The following USH2A variants were observed in gnomAD, a reference collection of about 807,000 sequenced individuals.
USH2A encodes the protein usherin.
USH2A carries 443 observed loss-of-function variants against 538.9 expected under a neutral mutation model. The ratio of observed to expected loss-of-function variants is 0.82; its 90% confidence interval spans 0.76 to 0.89. The LOEUF (loss-of-function observed/expected upper bound fraction) is 0.89. Ranked by LOEUF, USH2A falls within the 40% of genes least tolerant of loss-of-function variation. The pLI is 0.00. For synonymous variants in USH2A, 2,413 were observed against 2,273.5 expected, an observed-to-expected ratio of 1.06 and a Z score of -1.75; for missense variants, 6,633 against 6,324.8, an observed-to-expected ratio of 1.05 and a Z score of -1.65.
In USH2A at chr1:215,758,749, G is replaced by T. The variant is rs768062696; in HGVS notation, c.11235C>A (p.Tyr3745Ter). 1.2e-6 allele frequency: 2 copies of T among 1,613,682 alleles called. No homozygotes were observed. Among genetic ancestry groups the T allele is most frequent in the Non-Finnish European group, 8.5e-7 (1 of 1,179,828 alleles). The stretch of plus-strand genomic sequence containing the variant: ...CAGTTTTGACTTCTAACTTGTAAGT[G>T]TATCTATATTTAAAAAGAAAGAAGA... ...TDKNLEPNSR[Y>*]TYKLEVKTGG... The change falls in exon 58 of 72, where the codon TAC (tyrosine) becomes TAA (stop). Residue 3745 changes from tyrosine (Y) to a stop codon, truncating the protein, a stop_gained. Coordinates refer to ENST00000307340, the MANE Select transcript of USH2A (RefSeq NM_206933.4). LOFTEE classifies it high-confidence loss of function.
intron 21 of USH2A, among the ~76,000 whole-genome samples, chr1:216,119,522 C>A (rs1389911380): frequency 6.6e-6 from 1 of 151,790 alleles, no homozygotes; most frequent in Non-Finnish European, 1.5e-5. Flanking sequence ...GCAATAGGAA[C>A]TCTATGTTGT....
At chr1:215,740,312 A>G (rs1660266544) in intron 60 of USH2A, among the ~76,000 whole-genome samples, 1 of 152,178 alleles carries the variant, frequency 6.6e-6, no homozygotes, top group South Asian at 2.1e-4. Context: ...AGAGAGCAAA[A>G]TATCCTTCAA....
intron 35 of USH2A, among the ~76,000 whole-genome samples, chr1:215,972,182 C>T (rs552725521): frequency 6.6e-6 from 1 of 152,240 alleles, no homozygotes; most frequent in African/African-American, 2.4e-5. Flanking sequence ...GTGGGAGGCA[C>T]TGTGAGGAGG....
In USH2A at chr1:215,728,075, G is replaced by A. The variant is rs1387370996; in HGVS notation, c.12021C>T (p.Asp4007=). The A allele has an allele frequency of 6.8e-6, 11 of 1,614,018 alleles. No individual in the cohort carries two copies. Among genetic ancestry groups the A allele is most frequent in the Admixed American group, 6.7e-5 (4 of 60,008 alleles). ...HYRVVYQERP[D]DPTFNSPTVH... is the part of the protein sequence containing the mutation. Reference sequence around the variant, plus strand: ...CGGTAGGGCTGTTAAATGTAGGATCGTCGGGTCTCTCCTGGTAGACCACAC... The same window carrying A: ...CGGTAGGGCTGTTAAATGTAGGATCATCGGGTCTCTCCTGGTAGACCACAC... Residue 4007 remains aspartate, a synonymous_variant, in exon 61 of 72, where the codon GAC becomes GAT. Transcript: ENST00000307340.
At chr1:216,331,106 A>C (rs1558041300) in intron 4 of USH2A, among the ~76,000 whole-genome samples, 1 of 152,120 alleles carries the variant, frequency 6.6e-6, no homozygotes. Flanking sequence ...AAAGAGTTAC[A>C]GCAAGTTTTC....
At chr1:216,128,898 T>C (rs2033311678) in intron 21 of USH2A, among the ~76,000 whole-genome samples, 1 of 152,070 alleles carries the variant, frequency 6.6e-6, no homozygotes, top group African/African-American at 2.4e-5. Flanking sequence ...AACACTTCTT[T>C]ATCCCCCTCC....
chr1:215,858,731 A>G (rs150667236), intron 44 of USH2A, among the ~76,000 whole-genome samples: 2 of 152,114 alleles, frequency 1.3e-5, no homozygotes, highest in African/African-American at 2.4e-5. Context: ...GCAACCTCCA[A>G]TCCTTGGTCA....
rs2102665707 is a variant in USH2A at position 215,674,733 on chromosome 1, T to C, written c.13178A>G (p.Tyr4393Cys). The change falls in exon 63 of 72, where the codon TAT (tyrosine) becomes TGT (cysteine). Residue 4393 changes from tyrosine to cysteine, a missense_variant. Physicochemically the swap from Tyr to Cys is radical, Grantham distance 194. Coordinates refer to ENST00000307340, the MANE Select transcript of USH2A (RefSeq NM_206933.4). Reference protein sequence around the residue: ...NGKITKYLVRYDNKESLAGQG... With the variant: ...NGKITKYLVRCDNKESLAGQG... The stretch of plus-strand genomic sequence containing the variant: ...GCCAGCAAGGGACTCTTTATTATCA[T>C]ATCTAACTAAATATTTAGTAATCTT... 6.2e-7 allele frequency: 1 copy of C among 1,614,138 alleles called. No homozygotes were observed. The highest frequency in any genetic ancestry group is 8.5e-7 in the Non-Finnish European group (1 of 1,180,024).
chr1:215,759,687 G>A lies in USH2A; in HGVS notation c.11204C>T (p.Thr3735Ile), dbSNP rs141107332. Residue 3735 changes from threonine to isoleucine, a missense_variant, in exon 57 of 72, where the codon ACT (threonine) becomes ATT (isoleucine). Thr to Ile is a moderately conservative substitution (Grantham distance 89). Transcript: ENST00000307340. ...FLGGSEEQNF[T>I]DKNLEPNSRY... The stretch of plus-strand genomic sequence containing the variant: ...GCTATTGGGCTCCAGGTTTTTATCA[G>A]TGAAATTCTGCTCCTCACTGCCACC... 1.9e-6 allele frequency: 3 copies of A among 1,613,828 alleles called. No homozygotes were observed. The highest frequency in any genetic ancestry group is 2.7e-5 in the African/African-American group (2 of 74,890).
At position 215,954,422 on chromosome 1, in the gene USH2A, G is replaced by A. The variant is rs534940014; in HGVS notation, c.7120+10895C>T. ...AGTTCATGTACTTTGTAGGGACATA[G>A]ATGAAGCTGGAAACCATCATTCTCA... On this transcript the variant is annotated intron_variant, in intron 37 of 71. Transcript: ENST00000307340. 2.0e-5 allele frequency among the ~76,000 whole-genome samples: 3 copies of A among 152,112 alleles called. 1 individual carries two copies. The South Asian group carries it at 6.2e-4, about 32-fold the overall frequency.
chr1:216,418,596 G>C lies in USH2A; in HGVS notation c.569C>G (p.Thr190Arg). The C allele has an allele frequency of 6.2e-7, 1 of 1,613,306 alleles. No homozygotes were observed. Among genetic ancestry groups the C allele is most frequent in the Non-Finnish European group, 8.5e-7 (1 of 1,179,562 alleles). The change falls in exon 3 of 72, where the codon ACA (threonine) becomes AGA (arginine). Residue 190 changes from threonine to arginine, a missense_variant. Physicochemically the swap from Thr to Arg is moderately conservative, Grantham distance 71 (BLOSUM62 -1). Coordinates refer to ENST00000307340, the MANE Select transcript of USH2A (RefSeq NM_206933.4). ...TATTGGAGGTTGCAAACCATTTACT[G>C]TGCGATAATAAAACATGGTCTCTTT... is the stretch of plus-strand genomic sequence containing the variant. ...SEKETMFYYRTVNGLQPPIKV... is the reference protein window; with the variant it reads ...SEKETMFYYRRVNGLQPPIKV...
In USH2A at chr1:215,932,598, A is replaced by C. The variant is rs146529153; in HGVS notation, c.7300+2018T>G. The stretch of plus-strand genomic sequence containing the variant: ...TCAACAACAATCTAATGAAAAAAGA[A>C]AGTATGTCCTAATGGCCATAATAAA... On this transcript the variant is annotated intron_variant, in intron 38 of 71. Transcript: ENST00000307340. 3.9e-3 allele frequency among the ~76,000 whole-genome samples: 596 copies of C among 152,188 alleles called. 1 individual carries two copies. Among genetic ancestry groups the C allele is most frequent in the Non-Finnish European group, 6.7e-3 (452 of 67,966 alleles).
chr1:215,672,029 C>T (rs1410113585), intron 63 of USH2A, among the ~76,000 whole-genome samples: 1 of 152,172 alleles, frequency 6.6e-6, no homozygotes, highest in Admixed American at 6.5e-5. Context: ...ACCTTATCAC[C>T]ATCCAGTTAA....
rs368798834 is a variant in USH2A at position 216,422,073 on chromosome 1, G to C, written c.264C>G (p.Cys88Trp). The C allele has an allele frequency of 1.5e-5, 24 of 1,613,638 alleles. No individual in the cohort carries two copies. The highest frequency in any genetic ancestry group is 1.9e-5 in the Non-Finnish European group (23 of 1,179,880). Residue 88 changes from cysteine to tryptophan, a missense_variant, in exon 2 of 72, where the codon TGC becomes TGG. Coordinates refer to ENST00000307340, the MANE Select transcript of USH2A (RefSeq NM_206933.4). ...FCTQRFCIQDCPYRSSHPTYT... is the reference protein window; with the variant it reads ...FCTQRFCIQDWPYRSSHPTYT... ...AGGTAGGGTGTGAAGATCTGTATGG[G>C]CAATCCTGAATACAAAACCGCTGGG...
At chr1:216,341,293 G>A (rs532367319) in intron 4 of USH2A, among the ~76,000 whole-genome samples, 2 of 152,154 alleles carry the variant, frequency 1.3e-5, no homozygotes, top group East Asian at 3.9e-4. Context: ...AACAAGGGAC[G>A]TGAAGGAGCT....
At chr1:216,141,996 G>T (rs996816051) in intron 21 of USH2A, among the ~76,000 whole-genome samples, 1 of 150,098 alleles carries the variant, frequency 6.7e-6, no homozygotes, top group Admixed American at 6.6e-5. Context: ...AACTGGAAAG[G>T]GATTATCAAA....
intron 37 of USH2A, among the ~76,000 whole-genome samples, chr1:215,946,521 C>A (rs77281958): frequency 2.1e-3 from 313 of 152,276 alleles, no homozygotes; most frequent in African/African-American, 6.8e-3. Flanking sequence ...ACCAGCCGAG[C>A]AGCTGATTCA....
chr1:216,419,811 G>A lies in USH2A; in HGVS notation c.486-1132C>T, dbSNP rs189185605. Among the ~76,000 whole-genome samples the A allele has an allele frequency of 3.3e-3, 500 of 152,170 alleles. 4 individuals are homozygous for A. The highest frequency in any genetic ancestry group is 0.012 in the African/African-American group (486 of 41,536). ...AAGATGGTTTAAAGCTTTCCTTAAA[G>A]GGCATGTTTTTCACACATAATTTCT... On this transcript the variant is annotated intron_variant, in intron 2 of 71. Coordinates refer to ENST00000307340, the MANE Select transcript of USH2A (RefSeq NM_206933.4).
chr1:215,763,618 G>A (rs1007768614), intron 56 of USH2A, among the ~76,000 whole-genome samples: 1 of 152,150 alleles, frequency 6.6e-6, no homozygotes, highest in African/African-American at 2.4e-5. Context: ...GGTCCATGTT[G>A]CTTTGCTAAG....
Sources: allele counts gnomAD v4.1 joint callset (sites outside exome capture counted in the v4.1 genomes callset), GRCh38; gene constraint gnomAD v4.1.1; transcripts MANE v1.5; gene names NCBI Gene and HGNC (gene_info 2026-07-23, HGNC 2026-07-21).